CREB5: variants seen among roughly 807,000 people sequenced by gnomAD.
The protein encoded by CREB5 is cAMP responsive element binding protein 5.
CREB5 carries 19 observed loss-of-function variants against 57.1 expected under a neutral mutation model. The ratio of observed to expected loss-of-function variants is 0.33; its 90% confidence interval spans 0.23 to 0.49. The LOEUF is 0.49. CREB5 is among the 20% of genes least tolerant of loss of function. The pLI, the probability that CREB5 is intolerant of heterozygous loss-of-function variation, is 0.99. For synonymous variants in CREB5, 238 were observed against 238.3 expected (o/e 1.00, Z 0.01); for missense variants, 579 against 671.6 (o/e 0.86, Z 1.52).
intron 1 of CREB5, among the ~76,000 whole-genome samples, chr7:28,309,465 T>C (rs1253444799): frequency 2.0e-5 from 3 of 152,184 alleles, no homozygotes; most frequent in African/African-American, 7.2e-5. Context: ...TCCACTTTCC[T>C]CTGTATTTCC....
chr7:28,619,062 C>T (rs1183194277), intron 5 of CREB5, among the ~76,000 whole-genome samples: 1 of 152,242 alleles, frequency 6.6e-6, no homozygotes, highest in Non-Finnish European at 1.5e-5. Flanking sequence ...TAGCCACTCT[C>T]ATTGGGCACA....
chr7:28,401,739 A>G (rs1308213467), intron 1 of CREB5, among the ~76,000 whole-genome samples: 1 of 152,226 alleles, frequency 6.6e-6, no homozygotes, highest in African/African-American at 2.4e-5. Context: ...AAAGGACATG[A>G]ACTCATCCTT....
intron 1 of CREB5, among the ~76,000 whole-genome samples, chr7:28,364,530 T>C (rs1298476607): frequency 6.6e-6 from 1 of 152,186 alleles, no homozygotes; most frequent in East Asian, 1.9e-4. Context: ...AATTCCTTCA[T>C]TACTGACATC....
At chr7:28,697,070 ATATT>A (rs958546167) in intron 5 of CREB5, among the ~76,000 whole-genome samples, 6 of 151,222 alleles carry the variant, frequency 4.0e-5, no homozygotes, top group African/African-American at 1.2e-4. Context: ...GCACACATAC[ATATT>A]TATATATACA....
chr7:28,793,123 C>A (rs1807825084), intron 7 of CREB5, among the ~76,000 whole-genome samples: 2 of 152,160 alleles, frequency 1.3e-5, no homozygotes, highest in South Asian at 4.1e-4. Flanking sequence ...CTCCTCCTCC[C>A]TCTGACCACT....
intron 7 of CREB5, among the ~76,000 whole-genome samples, chr7:28,798,038 G>T (rs1014561633): frequency 3.3e-5 from 5 of 152,052 alleles, no homozygotes; most frequent in Non-Finnish European, 5.9e-5. Flanking sequence ...AAGGAAATAT[G>T]AATTCAGATT....
intron 7 of CREB5, among the ~76,000 whole-genome samples, chr7:28,792,549 A>G (rs917998677): frequency 6.6e-6 from 1 of 152,336 alleles, no homozygotes; most frequent in East Asian, 1.9e-4. Flanking sequence ...GGCATAATTC[A>G]AAAGCTCTTC....
intron 8 of CREB5, among the ~76,000 whole-genome samples, chr7:28,805,304 C>T (rs1434272706): frequency 6.6e-6 from 1 of 152,090 alleles, no homozygotes. Flanking sequence ...AGAAGAGAGG[C>T]GAGTCCTGTA....
intron 4 of CREB5, among the ~76,000 whole-genome samples, chr7:28,555,115 G>A (rs1434643264): frequency 6.6e-6 from 1 of 151,932 alleles, no homozygotes; most frequent in Non-Finnish European, 1.5e-5. Flanking sequence ...TGCATTGTGT[G>A]TGTGTGTGTG....
chr7:28,444,470 A>C (rs1326461262), intron 1 of CREB5, among the ~76,000 whole-genome samples: 1 of 152,212 alleles, frequency 6.6e-6, no homozygotes, highest in Non-Finnish European at 1.5e-5. Context: ...GGTGGCTGGA[A>C]TACCTACCTT....
At chr7:28,604,728 A>AT (rs565134748) in intron 5 of CREB5, among the ~76,000 whole-genome samples, 6 of 151,692 alleles carry the variant, frequency 4.0e-5, no homozygotes, top group Non-Finnish European at 8.8e-5. Flanking sequence ...CTTGTCCAAG[A>AT]TTTTTTTTGT....
intron 5 of CREB5, among the ~76,000 whole-genome samples, chr7:28,614,638 T>C (rs1797527517): frequency 6.6e-6 from 1 of 152,212 alleles, no homozygotes; most frequent in Non-Finnish European, 1.5e-5. Context: ...TCCAGCTTTT[T>C]GATTTAATTT....
chr7:28,440,646 A>T (rs1789148352), intron 1 of CREB5, among the ~76,000 whole-genome samples: 2 of 152,130 alleles, frequency 1.3e-5, no homozygotes, highest in African/African-American at 4.8e-5. Context: ...CTGAGGCAGA[A>T]ATTGGTTATT....
chr7:28,589,343 A>G (rs1796411766), intron 5 of CREB5, among the ~76,000 whole-genome samples: 1 of 152,178 alleles, frequency 6.6e-6, no homozygotes, highest in Non-Finnish European at 1.5e-5. Context: ...TCACAAGGTC[A>G]GGAGATCGAG....
chr7:28,688,943 A>G (rs1017412096), intron 5 of CREB5, among the ~76,000 whole-genome samples: 3 of 152,126 alleles, frequency 2.0e-5, no homozygotes, highest in African/African-American at 4.8e-5. Context: ...TGTGACTGAC[A>G]GAGACAAGGC....
chr7:28,386,499 A>G (rs991818599), intron 1 of CREB5, among the ~76,000 whole-genome samples: 2 of 152,084 alleles, frequency 1.3e-5, no homozygotes, highest in African/African-American at 4.8e-5. Context: ...TGATGGGTGT[A>G]GGTGTGAATT....
chr7:28,804,544 TTTCCCCTTCTTATTCTCC>T (rs753626237), intron 8 of CREB5, 22 bp downstream of exon 8: 2 of 1,608,702 alleles, frequency 1.2e-6, no homozygotes, highest in Non-Finnish European at 8.5e-7. Context: ...CCGTGATCTC[TTTCCCCTTCTTATTCTCC>T]TTCTTAACAG....
chr7:28,629,378 G>A (rs160359), intron 5 of CREB5, among the ~76,000 whole-genome samples: 13,246 of 152,260 alleles, frequency 0.087, 679 homozygotes, highest in Non-Finnish European at 0.12. Context: ...CCCAGCGTGC[G>A]GGTCAGCCAA....
chr7:28,424,292 C>T (rs1415178699), intron 1 of CREB5, among the ~76,000 whole-genome samples: 1 of 152,192 alleles, frequency 6.6e-6, no homozygotes, highest in Non-Finnish European at 1.5e-5. Context: ...AAACACAATT[C>T]AAACCACTAC....
Sources: allele counts gnomAD v4.1 joint callset (sites outside exome capture counted in the v4.1 genomes callset), GRCh38; gene constraint gnomAD v4.1.1; transcripts MANE v1.5; gene names NCBI Gene and HGNC (gene_info 2026-07-23, HGNC 2026-07-21).